Variants in RTN4 observed in about 807,000 individuals in gnomAD.
RTN4 encodes the protein reticulon-4.
In RTN4, 32 loss-of-function variants were observed where a neutral mutation model predicts 90.4. That is an observed-to-expected ratio of 0.35 (90% CI 0.27 to 0.48). The LOEUF (loss-of-function observed/expected upper bound fraction) is 0.48, where lower values mean the gene tolerates loss of function less well. Among genes scored for constraint, RTN4 ranks in the 20% least tolerant of loss-of-function variants. The probability of loss-of-function intolerance (pLI) is 0.99; values close to 1 mark genes in which losing one functional copy is unlikely to be tolerated. For synonymous variants in RTN4, 629 were observed against 552.5 expected (o/e 1.14, Z -1.94); for missense variants, 1,706 against 1,430.2 (o/e 1.19, Z -3.11).
chr2:55,045,370 G>A (rs984299347), intron 1 of RTN4, among the ~76,000 whole-genome samples: 8 of 152,090 alleles, frequency 5.3e-5, no homozygotes, highest in African/African-American at 1.4e-4. Flanking sequence ...TAAAGAAAGC[G>A]TGCTTCTTAT....
At chr2:55,088,991 G>A (rs945948519) in intron 1 of RTN4, among the ~76,000 whole-genome samples, 7 of 152,102 alleles carry the variant, frequency 4.6e-5, no homozygotes, top group Admixed American at 6.6e-5. Context: ...GGAGTGCAGT[G>A]GCGCGATCTC....
In RTN4 at chr2:55,025,515, A is replaced by T. The variant is rs139555612; in HGVS notation, c.2584T>A (p.Ser862Thr). The change falls in exon 3 of 9, where the codon TCA becomes ACA. Residue 862 changes from serine (S) to threonine (T), a missense_variant. Transcript: ENST00000337526. ...TCATCTATAATTTCAATTGGAGATG[A>T]ATCTGAAAACGTTTCAGTTTCTCTT... is the stretch of plus-strand genomic sequence containing the variant. Reference protein sequence around the residue: ...QIRETETFSDSSPIEIIDEFP... With the variant: ...QIRETETFSDTSPIEIIDEFP... 5.6e-5 allele frequency: 90 copies of T among 1,613,606 alleles called. 1 individual carries two copies. The highest frequency in any genetic ancestry group is 1.1e-5 in the Non-Finnish European group (13 of 1,179,794).
At chr2:55,048,327 C>G (rs1454718973) in intron 1 of RTN4, among the ~76,000 whole-genome samples, 2 of 152,160 alleles carry the variant, frequency 1.3e-5, no homozygotes, top group African/African-American at 4.8e-5. Flanking sequence ...TTAGGCTACA[C>G]TAAATTTATC....
Position 55,027,385 on chromosome 2 carries a change from C to T in RTN4, c.714G>A (p.Leu238=). 9 of 1,613,610 alleles carry T rather than the reference C, an allele frequency of 5.6e-6. No individual in the cohort carries two copies. Among genetic ancestry groups the T allele is most frequent in the Non-Finnish European group, 7.6e-6 (9 of 1,179,766 alleles). Residue 238 remains leucine (L), a synonymous_variant, in exon 3 of 9, where the codon CTG becomes CTA. Transcript: ENST00000337526. ...TGAAAGAAGCGGCTGAGAGAGGAGA[C>T]AGAGAAGGAAGAGAAGCAGCAGTTT... ...LLETAASLPS[L]SPLSAASFKE...
At chr2:54,996,319 G>A (rs79524893) in intron 3 of RTN4, among the ~76,000 whole-genome samples, 9,563 of 152,140 alleles carry the variant, frequency 0.063, 923 homozygotes, top group African/African-American at 0.21. Context: ...GTCTTTTAGC[G>A]AAAATTGACA....
chr2:54,973,993 A>T, intron 6 of RTN4, 126 bp from the exon 7 acceptor site: 1 of 777,680 alleles, frequency 1.3e-6, no homozygotes. Context: ...GAATAAAAAC[A>T]TAAGGATCTC....
chr2:55,028,273 A>T, intron 1 of RTN4, 53 bp from the exon 2 acceptor site: 1 of 1,527,330 alleles, frequency 6.5e-7, no homozygotes, highest in Non-Finnish European at 9.0e-7. Flanking sequence ...GATTGAAAGG[A>T]GACTAAAGAT....
the RTN4 span, among the ~76,000 whole-genome samples, chr2:55,125,332 C>A: frequency 6.6e-6 from 1 of 152,178 alleles, no homozygotes; most frequent in Non-Finnish European, 1.5e-5. Context: ...GAGAAACCTA[C>A]AGAATGGGAG....
At chr2:55,113,620 T>C (rs2105070305), upstream of RTN4, among the ~76,000 whole-genome samples, 1 of 152,298 alleles carries the variant, frequency 6.6e-6, no homozygotes, top group East Asian at 1.9e-4. Flanking sequence ...TCCGGACCTG[T>C]AGGGTCCATG....
intron 2 of RTN4, among the ~76,000 whole-genome samples, chr2:55,061,721 A>T (rs1309876638): frequency 6.6e-6 from 1 of 152,174 alleles, no homozygotes. Flanking sequence ...AGCTGAAATT[A>T]TGTTATGACA....
upstream of RTN4, among the ~76,000 whole-genome samples, chr2:55,116,089 G>GAA (rs1409371829): frequency 1.2e-5 from 1 of 81,276 alleles, no homozygotes; most frequent in African/African-American, 5.1e-5. Flanking sequence ...ATGGGGACTA[G>GAA]TCTTTTTTTT....
intron 1 of RTN4, chr2:55,080,706 A>G (rs901997972): frequency 6.6e-6 from 1 of 152,194 alleles, no homozygotes; most frequent in Non-Finnish European, 1.5e-5. Flanking sequence ...AAGTTTTTAA[A>G]TCTTATTTTA....
intron 1 of RTN4, among the ~76,000 whole-genome samples, chr2:55,047,802 TC>T: frequency 1.3e-5 from 2 of 152,248 alleles, no homozygotes; most frequent in African/African-American, 4.8e-5. Flanking sequence ...TTTTTTCGCT[TC>T]CAAAATAATT....
At chr2:55,038,170 A>G (rs938412929) in intron 1 of RTN4, among the ~76,000 whole-genome samples, 1 of 152,172 alleles carries the variant, frequency 6.6e-6, no homozygotes, top group Non-Finnish European at 1.5e-5. Context: ...AAAAGCTAAA[A>G]CTATCAAGCT....
chr2:55,042,312 T>C (rs1683131941), intron 1 of RTN4, among the ~76,000 whole-genome samples: 1 of 152,182 alleles, frequency 6.6e-6, no homozygotes, highest in Non-Finnish European at 1.5e-5. Context: ...TATAATGGCA[T>C]GTATTCCCAA....
At chr2:55,132,022 G>A in the RTN4 span, among the ~76,000 whole-genome samples, 8 of 152,272 alleles carry the variant, frequency 5.3e-5, no homozygotes, top group African/African-American at 1.7e-4. Flanking sequence ...TTAAATATCT[G>A]CTCAAGTATT....
At chr2:55,014,332 AAACT>A (rs1215527702) in intron 3 of RTN4, 4 of 152,204 alleles carry the variant, frequency 2.6e-5, no homozygotes, top group Admixed American at 1.3e-4. Context: ...CTATTTATGA[AAACT>A]AATATGCTAA....
chr2:55,077,753 TTA>T (rs1668628322), intron 2 of RTN4, among the ~76,000 whole-genome samples: 1 of 65,090 alleles, frequency 1.5e-5, no homozygotes, highest in Admixed American at 1.8e-4. Flanking sequence ...AGAAAATGTT[TTA>T]TACACACACA....
chr2:55,010,386 A>AT, intron 3 of RTN4: 1 of 1,272,956 alleles, frequency 7.9e-7, no homozygotes, highest in Non-Finnish European at 1.0e-6. Context: ...TGTTTTAGGC[A>AT]TTTGCCTTGT....
Sources: gnomAD v4.1 joint callset for allele counts (sites outside exome capture counted in the v4.1 genomes callset) on GRCh38, gnomAD v4.1.1 for gene constraint, MANE v1.5 for transcripts, NCBI Gene and HGNC (gene_info 2026-07-23, HGNC 2026-07-21) for gene names.